SEMA4D: variants seen among roughly 807,000 people sequenced by gnomAD.
The protein encoded by SEMA4D is semaphorin 4D.
SEMA4D carries 22 observed loss-of-function variants against 74.8 expected under a neutral mutation model. The ratio of observed to expected loss-of-function variants is 0.29; its 90% CI spans 0.21 to 0.42. The LOEUF (loss-of-function observed/expected upper bound fraction) is 0.42. SEMA4D is among the 10% of genes least tolerant of loss of function. The probability of loss-of-function intolerance (pLI) is 1.00; values close to 1 mark genes in which losing one functional copy is unlikely to be tolerated. For missense variants in SEMA4D, 937 were observed against 1,118.4 expected (o/e 0.84, Z 2.31); for synonymous variants, 445 against 463.7 (o/e 0.96, Z 0.52).
In SEMA4D at chr9:89,396,833, T is replaced by TAGTTGAGGATGTA; in HGVS notation, c.317_318insTACATCCTCAACT (p.Glu107ThrfsTer34). ...GCACCCGGATGTAGTTGAGGCACTC[T>TAGTTGAGGATGTA]GTCTGCAGGGAAGAGAAATGCACCA... On this transcript the variant is annotated frameshift_variant and splice_region_variant, in exon 6 of 16. Coordinates refer to ENST00000422704, the MANE Select transcript of SEMA4D (RefSeq NM_001371194.2). LOFTEE classifies it high-confidence loss of function. The TAGTTGAGGATGTA allele has an allele frequency of 6.2e-7, 1 of 1,613,036 alleles. No homozygotes were observed. Among genetic ancestry groups the TAGTTGAGGATGTA allele is most frequent in the Non-Finnish European group, 8.5e-7 (1 of 1,179,420 alleles).
chr9:89,423,316 C>G (rs1020241736), intron 2 of SEMA4D, among the ~76,000 whole-genome samples: 4 of 151,998 alleles, frequency 2.6e-5, no homozygotes, highest in Non-Finnish European at 5.9e-5. Flanking sequence ...CTCAGCCTCC[C>G]AAGTAGTTGG....
At chr9:89,495,768 G>A (rs909201293) in intron 1 of SEMA4D, among the ~76,000 whole-genome samples, 1 of 152,132 alleles carries the variant, frequency 6.6e-6, no homozygotes, top group Non-Finnish European at 1.5e-5. Context: ...GGGGTCAGGA[G>A]GAGAATCTGC....
intron 16 of SEMA4D, chr9:89,367,065 CTATT>C (rs1251355675): frequency 6.6e-6 from 1 of 152,528 alleles, no homozygotes; most frequent in Non-Finnish European, 1.5e-5. Context: ...TCAGTAAATA[CTATT>C]TAAATACATG....
intron 13 of SEMA4D, among the ~76,000 whole-genome samples, chr9:89,383,434 A>G (rs969490667): frequency 6.6e-6 from 1 of 152,142 alleles, no homozygotes; most frequent in Non-Finnish European, 1.5e-5. Flanking sequence ...CCACGACCCC[A>G]AGATAATCAC....
rs762539873 is a variant in SEMA4D at position 89,495,144 on chromosome 9, C to T, written c.-310+2775G>A. Among the ~76,000 whole-genome samples the T allele has an allele frequency of 1.2e-4, 19 of 152,128 alleles. 1 individual carries two copies. Among genetic ancestry groups the T allele is most frequent in the East Asian group, 3.9e-4 (2 of 5,178 alleles). On this transcript the variant is annotated intron_variant, in intron 1 of 15. Transcript: ENST00000422704. ...AAATAACAGGACCCTGCCTGCCCCCCACTGAGGTTTGCACAGGTGCTGTGG... is the reference window on the plus strand; with the variant it reads ...AAATAACAGGACCCTGCCTGCCCCCTACTGAGGTTTGCACAGGTGCTGTGG...
chr9:89,485,788 CAAAAAAAAAAAAAAA>C (rs56056536), intron 1 of SEMA4D, among the ~76,000 whole-genome samples: 3 of 76,842 alleles, frequency 3.9e-5, no homozygotes, highest in Non-Finnish European at 4.9e-5. Context: ...AACTCCATCT[CAAAAAAAAAAAAAAA>C]AAAAAAAAAA....
intron 13 of SEMA4D, among the ~76,000 whole-genome samples, chr9:89,382,681 C>T (rs975001870): frequency 6.6e-6 from 1 of 152,224 alleles, no homozygotes; most frequent in African/African-American, 2.4e-5. Flanking sequence ...GTTCGGGCAT[C>T]GCGCGGCTTG....
intron 2 of SEMA4D, among the ~76,000 whole-genome samples, chr9:89,409,010 C>T (rs769545235): frequency 1.3e-4 from 20 of 152,168 alleles, no homozygotes; most frequent in Non-Finnish European, 2.6e-4. Flanking sequence ...GCCAACCACA[C>T]AGGAAGCCAG....
At chr9:89,421,628 G>A (rs1209479490) in intron 2 of SEMA4D, among the ~76,000 whole-genome samples, 2 of 152,164 alleles carry the variant, frequency 1.3e-5, no homozygotes, top group East Asian at 1.9e-4. Flanking sequence ...AGCATAGAAC[G>A]TTTTCTATAC....
At chr9:89,409,495 T>A (rs1215789353) in intron 2 of SEMA4D, among the ~76,000 whole-genome samples, 1 of 152,188 alleles carries the variant, frequency 6.6e-6, no homozygotes, top group Non-Finnish European at 1.5e-5. Flanking sequence ...GGGCTGTGCA[T>A]GTGTGGGGAA....
At chr9:89,362,111 A>G (rs547958248) in exon 19 of SEMA4D, 4 of 568,224 alleles carry the variant, frequency 7.0e-6, no homozygotes, top group African/African-American at 5.6e-5. Context: ...GCAGCTATCA[A>G]AGCCTGTTAG....
chr9:89,462,973 GGGGAGCGA>G (rs1857676424), intron 1 of SEMA4D, among the ~76,000 whole-genome samples: 2 of 82,958 alleles, frequency 2.4e-5, no homozygotes, highest in African/African-American at 4.6e-5. Flanking sequence ...AGCGAGGGGA[GGGGAGCGA>G]GGGAGAAAGA....
At chr9:89,455,323 G>A (rs953120672) in intron 2 of SEMA4D, among the ~76,000 whole-genome samples, 22 of 152,312 alleles carry the variant, frequency 1.4e-4, no homozygotes, top group Admixed American at 4.6e-4. Context: ...GGCTGTCCCC[G>A]GTCCACCTCA....
Position 89,378,765 on chromosome 9 carries a change from T to G in SEMA4D, c.2528A>C (p.Asp843Ala). 2 of 1,614,182 alleles carry G rather than the reference T, an allele frequency of 1.2e-6. No homozygotes were observed. Among genetic ancestry groups the G allele is most frequent in the Non-Finnish European group, 1.7e-6 (2 of 1,180,038 alleles). Residue 843 changes from aspartate to alanine, a missense_variant, in exon 16 of 16, where the codon GAC (aspartate) becomes GCC (alanine). Asp to Ala is a moderately radical substitution (Grantham distance 126). Transcript: ENST00000422704. ...SQRIDDLSAR[D>A]KPFDVKCELK... ...CTCACACTTGACGTCAAAGGGCTTG[T>G]CCCTGGCAGAAAGGTCGTCGATCCT...
chr9:89,440,676 A>G (rs1206415236), intron 2 of SEMA4D, among the ~76,000 whole-genome samples: 1 of 152,204 alleles, frequency 6.6e-6, no homozygotes, highest in East Asian at 1.9e-4. Context: ...AACATTTCCT[A>G]ACTACTTGCT....
chr9:89,417,827 G>A (rs1846045320), intron 2 of SEMA4D, among the ~76,000 whole-genome samples: 1 of 152,208 alleles, frequency 6.6e-6, no homozygotes, highest in African/African-American at 2.4e-5. Context: ...GGGGAGCTGG[G>A]ACAAGCAGTG....
At chr9:89,382,850 ACTC>A (rs1174160818) in intron 13 of SEMA4D, among the ~76,000 whole-genome samples, 1 of 151,074 alleles carries the variant, frequency 6.6e-6, no homozygotes, top group Non-Finnish European at 1.5e-5. Context: ...GGCCCGCCTG[ACTC>A]CTCACCCCAA....
At chr9:89,374,821 G>A (rs1835564078), downstream of SEMA4D, among the ~76,000 whole-genome samples, 1 of 152,172 alleles carries the variant, frequency 6.6e-6, no homozygotes, top group Non-Finnish European at 1.5e-5. Context: ...GGGAGGCCAA[G>A]GCAGGTGGAT....
chr9:89,448,921 G>T (rs1057288217), intron 2 of SEMA4D, among the ~76,000 whole-genome samples: 10 of 152,204 alleles, frequency 6.6e-5, no homozygotes. Context: ...GTTACGTGGG[G>T]ACCCTCCTCC....
Sources: allele counts gnomAD v4.1 joint callset (sites outside exome capture counted in the v4.1 genomes callset), GRCh38; gene constraint gnomAD v4.1.1; transcripts MANE v1.5; gene names NCBI Gene and HGNC (gene_info 2026-07-23, HGNC 2026-07-21).